The following ABCB5 variants were observed in gnomAD, a reference collection of about 807,000 sequenced individuals.
The protein encoded by ABCB5 is ATP-binding cassette sub-family B member 5.
ABCB5 carries 155 observed loss-of-function variants against 144.2 expected under a neutral mutation model. That is an observed-to-expected ratio of 1.08 (90% CI 0.94 to 1.23). The LOEUF is 1.23. ABCB5 is among the 50% of genes most tolerant of loss of function. The pLI is 0.00. For missense variants in ABCB5, 1,830 were observed against 1,520.8 expected (o/e 1.20, Z -3.38); for synonymous variants, 610 against 528.6 (o/e 1.15, Z -2.11).
chr7:20,731,369 A>AAAAAAAAAAAAAAAAAATAT (rs57305244), intron 23 of ABCB5, among the ~76,000 whole-genome samples: 1 of 123,104 alleles, frequency 8.1e-6, no homozygotes, highest in African/African-American at 3.3e-5. Context: ...AAAAAAAAAA[A>AAAAAAAAAAAAAAAAAATAT]ATATATATAT....
At chr7:20,697,214 C>T (rs1396338646) in intron 16 of ABCB5, among the ~76,000 whole-genome samples, 1 of 152,106 alleles carries the variant, frequency 6.6e-6, no homozygotes, top group Admixed American at 6.6e-5. Flanking sequence ...GTGGGTTAGC[C>T]ACCCTGAAAA....
chr7:20,668,647 TC>T (rs1785321410), intron 14 of ABCB5, among the ~76,000 whole-genome samples: 1 of 129,518 alleles, frequency 7.7e-6, no homozygotes, highest in Non-Finnish European at 1.6e-5. Context: ...GGTGAGGGAC[TC>T]CTCTGCCCGG....
At chr7:20,745,464 T>C (rs1393698487) in intron 26 of ABCB5, 26 bp downstream of exon 26, 3 of 1,611,258 alleles carry the variant, frequency 1.9e-6, no homozygotes, top group Non-Finnish European at 2.5e-6. Context: ...AAATCTTGAA[T>C]TATAAAGCTG....
intron 3 of ABCB5, 66 bp from the exon 4 acceptor site, chr7:20,628,622 T>C: frequency 6.5e-7 from 1 of 1,530,284 alleles, no homozygotes; most frequent in South Asian, 1.2e-5. Flanking sequence ...GTTGTGTGTG[T>C]GTGTGTGTGC....
chr7:20,630,033 C>T (rs889726045), intron 4 of ABCB5, among the ~76,000 whole-genome samples: 1 of 151,750 alleles, frequency 6.6e-6, no homozygotes, highest in Non-Finnish European at 1.5e-5. Flanking sequence ...TTTCGTGTAT[C>T]GTTTGTAGCC....
chr7:20,753,622 G>A (rs1041082633), intron 27 of ABCB5, 116 bp downstream of exon 27: 33 of 1,219,058 alleles, frequency 2.7e-5, no homozygotes, highest in Non-Finnish European at 3.4e-5. Context: ...GTAGTTCTAA[G>A]GTCACCAGTT....
At chr7:20,663,495 C>T (rs1785069601) in intron 14 of ABCB5, among the ~76,000 whole-genome samples, 1 of 152,024 alleles carries the variant, frequency 6.6e-6, no homozygotes. Context: ...AAAAAAGGAT[C>T]CATATTGCTT....
intron 13 of ABCB5, among the ~76,000 whole-genome samples, chr7:20,657,577 T>G (rs1350374594): frequency 1.3e-5 from 2 of 152,198 alleles, no homozygotes; most frequent in African/African-American, 4.8e-5. Flanking sequence ...AATTCATGTA[T>G]AGTGATAAAA....
intron 25 of ABCB5, among the ~76,000 whole-genome samples, chr7:20,744,151 G>A (rs539762110): frequency 6.6e-6 from 1 of 152,150 alleles, no homozygotes; most frequent in African/African-American, 2.4e-5. Flanking sequence ...TGCAACCCCC[G>A]CCTCTAGGGT....
Position 20,712,616 on chromosome 7 carries a change from TTTC to T in ABCB5, c.2421+7816_2421+7818del, listed in dbSNP as rs1221768400. Among the ~76,000 whole-genome samples the T allele has an allele frequency of 1.7e-4, 25 of 149,582 alleles. 2 individuals carry two copies. The highest frequency in any genetic ancestry group is 5.9e-4 in the African/African-American group (24 of 40,492). On this transcript the variant is annotated intron_variant, in intron 20 of 27. Transcript: ENST00000404938. ...GCCATGTCTTCAAAACCAATGATCT[TTTC>T]TTCTTCAATATTTAATCTGCTATTG...
chr7:20,632,100 G>T lies in ABCB5; in HGVS notation c.301G>T (p.Glu101Ter). 6.5e-7 allele frequency: 1 copy of T among 1,526,896 alleles called. No homozygotes were observed. 94.6% of individuals were successfully genotyped at this position (1,526,896 alleles called of 1,614,324 possible). Residue 101 changes from glutamate to a stop codon, truncating the protein, a stop_gained, in exon 5 of 28, where the codon GAA becomes TAA. Coordinates refer to ENST00000404938, the MANE Select transcript of ABCB5 (RefSeq NM_001163941.2). LOFTEE classifies it high-confidence loss of function. ...NCTQSQEKLN[E>*]DMTLLTLYYV... ...TACTCAGTCTCAAGAGAAGCTGAATGAAGATATGACTCTGTAAGTCCAAAT... is the reference window on the plus strand; with the variant it reads ...TACTCAGTCTCAAGAGAAGCTGAATTAAGATATGACTCTGTAAGTCCAAAT...
At chr7:20,624,430 G>C (rs1412344455) in intron 2 of ABCB5, among the ~76,000 whole-genome samples, 1 of 152,156 alleles carries the variant, frequency 6.6e-6, no homozygotes, top group Non-Finnish European at 1.5e-5. Context: ...AAAACTAACA[G>C]GTCAGTAGCA....
rs753198026 is a variant in ABCB5 at position 20,648,044 on chromosome 7, T to A, written c.1172T>A (p.Val391Asp). 2.3e-5 allele frequency: 37 copies of A among 1,609,570 alleles called. 1 individual carries two copies. The South Asian group carries it at 4.0e-4, about 17-fold the overall frequency. Residue 391 changes from valine to aspartate, a missense_variant, in exon 11 of 28, where the codon GTT becomes GAT. Coordinates refer to ENST00000404938, the MANE Select transcript of ABCB5 (RefSeq NM_001163941.2). ...SIEGTVEFKN[V>D]SFNYPSRPSI... ...GAAGGAACTGTGGAATTTAAAAATG[T>A]TTCTTTCAATTATCCATCAAGACCA...
At chr7:20,748,459 G>A (rs540210735) in intron 26 of ABCB5, among the ~76,000 whole-genome samples, 2 of 152,170 alleles carry the variant, frequency 1.3e-5, no homozygotes, top group East Asian at 1.9e-4. Context: ...AGACCAGCCT[G>A]GCCAACATGG....
At chr7:20,691,582 T>TTTTATTTATTCA (rs1786231972) in intron 16 of ABCB5, among the ~76,000 whole-genome samples, 1 of 146,808 alleles carries the variant, frequency 6.8e-6, no homozygotes, top group Non-Finnish European at 1.5e-5. Context: ...TTAAATTCAT[T>TTTTATTTATTCA]TTTATTTATT....
chr7:20,656,971 A>G (rs1356880594), intron 13 of ABCB5, among the ~76,000 whole-genome samples: 5 of 146,578 alleles, frequency 3.4e-5, no homozygotes, highest in African/African-American at 1.3e-4. Flanking sequence ...GTGGAGTGCA[A>G]TGCACAATCT....
At chr7:20,654,664 C>A (rs1480863300) in intron 13 of ABCB5, among the ~76,000 whole-genome samples, 2 of 151,970 alleles carry the variant, frequency 1.3e-5, no homozygotes, top group African/African-American at 2.4e-5. Context: ...TGTTCTCAGA[C>A]CATAATATAA....
intron 5 of ABCB5, among the ~76,000 whole-genome samples, chr7:20,642,339 T>A (rs1018307241): frequency 6.6e-6 from 1 of 152,204 alleles, no homozygotes; most frequent in African/African-American, 2.4e-5. Context: ...TTCCTCTCCC[T>A]GGAATGCACT....
chr7:20,699,233 G>GT (rs1786524371), intron 17 of ABCB5, among the ~76,000 whole-genome samples: 1 of 152,002 alleles, frequency 6.6e-6, no homozygotes, highest in Non-Finnish European at 1.5e-5. Flanking sequence ...TGGTTTCTTG[G>GT]GAAATATACT....
Sources: allele counts gnomAD v4.1 joint callset (sites outside exome capture counted in the v4.1 genomes callset), GRCh38; gene constraint gnomAD v4.1.1; transcripts MANE v1.5; gene names NCBI Gene and HGNC (gene_info 2026-07-23, HGNC 2026-07-21).